Variants in VWA5A observed in about 807,000 individuals in gnomAD.
VWA5A encodes the protein von Willebrand factor A domain-containing protein 5A.
A neutral mutation model predicts 84.6 loss-of-function variants in VWA5A; 77 were observed. The ratio of observed to expected loss-of-function variants is 0.91; its 90% CI spans 0.76 to 1.10. The LOEUF (loss-of-function observed/expected upper bound fraction) is 1.10. Among genes scored for constraint, VWA5A ranks in the 50% least tolerant of loss-of-function variants. VWA5A has a pLI of 0.00. For synonymous variants in VWA5A, 334 were observed against 350.1 expected, an observed-to-expected ratio of 0.95 and a Z score of 0.51; for missense variants, 973 against 963.0, an observed-to-expected ratio of 1.01 and a Z score of -0.14.
chr11:124,144,862 T>C (rs953534254), intron 17 of VWA5A, among the ~76,000 whole-genome samples: 1 of 152,216 alleles, frequency 6.6e-6, no homozygotes, highest in African/African-American at 2.4e-5. Context: ...ATTGATATTT[T>C]TTCATGATTT....
At chr11:124,138,562 T>C (rs1860659961) in intron 15 of VWA5A, among the ~76,000 whole-genome samples, 1 of 152,212 alleles carries the variant, frequency 6.6e-6, no homozygotes, top group Admixed American at 6.5e-5. Context: ...TTTTTTCATA[T>C]ACCTATTGGC....
rs750676304 is a variant in VWA5A, at chr11:124,117,555, G to A, written c.43+1G>A. 2 of 1,614,172 alleles carry A rather than the reference G, an allele frequency of 1.2e-6. No individual in the cohort carries two copies. Among genetic ancestry groups the A allele is most frequent in the East Asian group, 4.5e-5 (2 of 44,884 alleles). The stretch of plus-strand genomic sequence containing the variant: ...CTACTCACCCTCCACCGGGAGCCAG[G>A]TAAGCCTAATTTGTGACTCTTACTT... On this transcript the variant is annotated splice_donor_variant, in intron 3 of 18. Coordinates refer to ENST00000456829, the MANE Select transcript of VWA5A (RefSeq NM_001130142.2). LOFTEE classifies it high-confidence loss of function.
intron 2 of VWA5A, chr11:124,117,239 A>AT (rs1296922627): frequency 5.5e-6 from 3 of 542,552 alleles, no homozygotes; most frequent in Admixed American, 3.3e-5. Flanking sequence ...TTGGTATTTG[A>AT]ACCAGCCTCA....
chr11:124,127,621 C>T (rs980762276), intron 11 of VWA5A, among the ~76,000 whole-genome samples: 7 of 152,204 alleles, frequency 4.6e-5, no homozygotes, highest in African/African-American at 1.7e-4. Flanking sequence ...AACTAATTTA[C>T]ACTCCCACAA....
chr11:124,129,126 A>G (rs958312241), intron 11 of VWA5A, among the ~76,000 whole-genome samples: 4 of 152,202 alleles, frequency 2.6e-5, no homozygotes, highest in Admixed American at 6.5e-5. Context: ...TTTGTCATAA[A>G]TAGCTCTTAT....
At chr11:124,120,546 T>A (rs1864915042) in intron 7 of VWA5A, among the ~76,000 whole-genome samples, 1 of 152,226 alleles carries the variant, frequency 6.6e-6, no homozygotes, top group Admixed American at 6.5e-5. Context: ...AGTAGCTTCA[T>A]ACTTGAGCTC....
rs1167459996 is a variant in VWA5A, at chr11:124,123,795, C to A, written c.1155C>A (p.His385Gln). The change falls in exon 10 of 19, where the codon CAC becomes CAA. Residue 385 changes from histidine to glutamine, a missense_variant. Transcript: ENST00000456829. ...NIYRGPSIPG[H>Q]PLQLFVFTDG... ...ACAGGGGACCCTCCATCCCAGGCCA[C>A]CCCCTACAGGTAAGAAGTGGAACAG... The A allele has an allele frequency of 1.3e-6, 2 of 1,575,188 alleles. No homozygotes were observed. The highest frequency in any genetic ancestry group is 1.9e-5 in the Admixed American group (1 of 52,752).
intron 15 of VWA5A, 25 bp from the exon 16 acceptor site, chr11:124,141,573 T>C: frequency 3.7e-6 from 6 of 1,612,958 alleles, no homozygotes; most frequent in Non-Finnish European, 4.2e-6. Context: ...GGAGTGCCAC[T>C]GTCTTAATGT....
Position 124,145,387 on chromosome 11 carries a change from G to GTCTCCT in VWA5A, c.2281+27_2281+32dup. 2.5e-6 allele frequency: 4 copies of GTCTCCT among 1,591,568 alleles called. No homozygotes were observed. The South Asian group carries it at 4.6e-5, about 18-fold the overall frequency. On this transcript the variant is annotated intron_variant, in intron 18 of 18. Transcript: ENST00000456829. ...AGGTAGGAGCACAATCCTAAGGCCT[G>GTCTCCT]TCTCCTTCCCCTTCCCTGGCCTGGC...
Position 124,135,041 on chromosome 11 carries a change from G to A in VWA5A, c.1359+7G>A. The A allele has an allele frequency of 1.9e-6, 3 of 1,609,752 alleles. No individual in the cohort carries two copies. Among genetic ancestry groups the A allele is most frequent in the Non-Finnish European group, 2.5e-6 (3 of 1,177,636 alleles). ...AGACAGGATGCAGTCCAAGGTGAGGGACAGACTGACTGTGTCTGTCTGGAG... is the reference window on the plus strand; with the variant it reads ...AGACAGGATGCAGTCCAAGGTGAGGAACAGACTGACTGTGTCTGTCTGGAG... On this transcript the variant is annotated splice_region_variant and intron_variant, in intron 12 of 18. Coordinates refer to ENST00000456829, the MANE Select transcript of VWA5A (RefSeq NM_001130142.2).
chr11:124,143,840 T>C (rs1314677836), intron 17 of VWA5A, among the ~76,000 whole-genome samples: 2 of 152,120 alleles, frequency 1.3e-5, no homozygotes, highest in African/African-American at 4.8e-5. Context: ...CATTTCCTTC[T>C]TTGGAATGGT....
chr11:124,118,777 A>G, intron 6 of VWA5A, 69 bp downstream of exon 6: 5 of 1,543,562 alleles, frequency 3.2e-6, no homozygotes, highest in Admixed American at 1.9e-5. Flanking sequence ...GTCCCCAACC[A>G]GTTCTTCCCA....
chr11:124,127,055 G>T (rs985307168), intron 11 of VWA5A, among the ~76,000 whole-genome samples: 1 of 152,142 alleles, frequency 6.6e-6, no homozygotes, highest in Non-Finnish European at 1.5e-5. Context: ...GTTCTGGGAT[G>T]CATGTGCAGA....
intron 11 of VWA5A, among the ~76,000 whole-genome samples, chr11:124,127,677 G>A (rs1865039412): frequency 6.6e-6 from 1 of 152,148 alleles, no homozygotes; most frequent in Non-Finnish European, 1.5e-5. Flanking sequence ...TCCAGCATCT[G>A]TTGTTTCCTG....
At chr11:124,115,612 G>C (rs992263501) in intron 1 of VWA5A, 130 bp downstream of exon 1, 2 of 152,152 alleles carry the variant, frequency 1.3e-5, no homozygotes, top group Admixed American at 1.3e-4. Context: ...ACGCCCCATG[G>C]GTGGAGGATT....
intron 11 of VWA5A, among the ~76,000 whole-genome samples, chr11:124,133,704 C>T (rs1865131071): frequency 6.6e-6 from 1 of 152,056 alleles, no homozygotes; most frequent in African/African-American, 2.4e-5. Context: ...AGTTTCCTCA[C>T]ATGAAAATTA....
At chr11:124,141,959 T>C (rs1263536346) in intron 16 of VWA5A, among the ~76,000 whole-genome samples, 1 of 152,202 alleles carries the variant, frequency 6.6e-6, no homozygotes, top group Non-Finnish European at 1.5e-5. Context: ...CTGCAATCTA[T>C]AGGGACTGAC....
At chr11:124,126,636 T>C (rs1865022452) in intron 11 of VWA5A, among the ~76,000 whole-genome samples, 1 of 151,966 alleles carries the variant, frequency 6.6e-6, no homozygotes, top group Non-Finnish European at 1.5e-5. Flanking sequence ...AGTGTGTGCC[T>C]GTAATCCCAG....
Position 124,117,670 on chromosome 11 carries a change from C to T in VWA5A, c.44-3C>T. The T allele has an allele frequency of 5.0e-6, 8 of 1,614,212 alleles. No individual in the cohort carries two copies. The highest frequency in any genetic ancestry group is 6.8e-6 in the Non-Finnish European group (8 of 1,180,038). ...ATGAACTTGAACTCTGGTCTATCTCCAGTGCCGCTGAAGAGTATCTCTGTG... is the reference window on the plus strand; with the variant it reads ...ATGAACTTGAACTCTGGTCTATCTCTAGTGCCGCTGAAGAGTATCTCTGTG... On this transcript the variant is annotated splice_polypyrimidine_tract_variant and splice_region_variant and intron_variant, in intron 3 of 18. Transcript: ENST00000456829.
Sources: allele counts gnomAD v4.1 joint callset (sites outside exome capture counted in the v4.1 genomes callset), GRCh38; gene constraint gnomAD v4.1.1; transcripts MANE v1.5; gene names NCBI Gene and HGNC (gene_info 2026-07-23, HGNC 2026-07-21).